Variants in CHRNB1 observed in about 807,000 individuals in gnomAD.
CHRNB1 encodes the protein cholinergic receptor nicotinic beta 1 subunit, also known as acetylcholine receptor subunit beta.
CHRNB1 carries 47 observed loss-of-function variants against 53.8 expected under a neutral mutation model. That is an observed-to-expected ratio of 0.87 (90% CI 0.69 to 1.11). The LOEUF is 1.11. Among genes scored for constraint, CHRNB1 ranks in the 50% most tolerant of loss-of-function variants. CHRNB1 has a pLI of 0.00. For synonymous variants in CHRNB1, 259 were observed against 263.5 expected (o/e 0.98, Z 0.16); for missense variants, 605 against 654.9 (o/e 0.92, Z 0.83).
intron 7 of CHRNB1, among the ~76,000 whole-genome samples, chr17:7,452,946 C>T (rs778267281): frequency 5.1e-4 from 78 of 152,192 alleles, no homozygotes; most frequent in Non-Finnish European, 1.2e-4. Context: ...ACTGCTTGAA[C>T]CCAAGAGGCA....
rs553467940 is a variant in CHRNB1, at chr17:7,457,178, G to A, written c.*455G>A. ...ACTAAAAATACAAAATTAGCCAGGTGTGGTGGTACATGCCTGTAATCCCAG... is the reference window on the plus strand; with the variant it reads ...ACTAAAAATACAAAATTAGCCAGGTATGGTGGTACATGCCTGTAATCCCAG... On this transcript the variant is annotated 3_prime_UTR_variant, in exon 11 of 11. Transcript: ENST00000306071. 4.1e-5 allele frequency: 8 copies of A among 196,304 alleles called. No homozygotes were observed. The highest frequency in any genetic ancestry group is 2.2e-4 in the Admixed American group (4 of 18,460). The allele number at this position is 196,304 out of a possible 1,614,324, so 12.2% of individuals were successfully genotyped here.
In CHRNB1 at chr17:7,445,804, C is replaced by T; in HGVS notation, c.199-265C>T. On this transcript the variant is annotated intron_variant, in intron 2 of 10. Coordinates refer to ENST00000306071, the MANE Select transcript of CHRNB1 (RefSeq NM_000747.3). The surrounding 1 kb of genome is among the most constrained non-coding windows in gnomAD (Gnocchi z 5.7). ...GGCTGGGTGGATTATGAGCTGAAGG[C>T]AGGGCCGGGGACAGAGCTAGGCGGA... 1.6e-6 allele frequency: 1 copy of T among 622,952 alleles called. No homozygotes were observed. Among genetic ancestry groups the T allele is most frequent in the Non-Finnish European group, 2.8e-6 (1 of 359,166 alleles). 38.6% of individuals were successfully genotyped at this position (622,952 alleles called of 1,614,324 possible). A position where few individuals can be genotyped will look rare whatever the true frequency, so the allele number is the denominator to read the frequency against.
In CHRNB1 at chr17:7,445,717, GC is replaced by G; in HGVS notation, c.198+311del. On this transcript the variant is annotated intron_variant, in intron 2 of 10. Coordinates refer to ENST00000306071, the MANE Select transcript of CHRNB1 (RefSeq NM_000747.3). The surrounding 1 kb of genome is among the most constrained non-coding windows in gnomAD (Gnocchi z 5.7). ...ACGTAGGGCCACATGAGTCCTGAGTGCCCAGGGTGGGGCGGAGCTTGGTGCT... is the reference window on the plus strand; with the variant it reads ...ACGTAGGGCCACATGAGTCCTGAGTGCCAGGGTGGGGCGGAGCTTGGTGCT... The G allele has an allele frequency of 1.0e-6, 1 of 959,868 alleles. No individual in the cohort carries two copies. Among genetic ancestry groups the G allele is most frequent in the Non-Finnish European group, 1.5e-6 (1 of 670,544 alleles). 59.5% of individuals were successfully genotyped at this position (959,868 alleles called of 1,614,324 possible).
intron 9 of CHRNB1, 153 bp downstream of exon 9, chr17:7,455,609 G>A: frequency 8.1e-7 from 1 of 1,238,376 alleles, no homozygotes; most frequent in Non-Finnish European, 1.2e-6. Flanking sequence ...GAGGGGAGGT[G>A]GGAACTAAAA....
At position 7,455,910 on chromosome 17, in the gene CHRNB1, G is replaced by C. The variant is rs774704171; in HGVS notation, c.1334G>C (p.Arg445Pro). 3 of 1,613,952 alleles carry C rather than the reference G, an allele frequency of 1.9e-6. No homozygotes were observed. Among genetic ancestry groups the C allele is most frequent in the Admixed American group, 1.7e-5 (1 of 59,988 alleles). The change falls in exon 10 of 11, where the codon CGA (arginine) becomes CCA (proline). Residue 445 changes from arginine (R) to proline (P), a missense_variant. Arg to Pro is a moderately radical substitution (Grantham distance 103). Transcript: ENST00000306071. ...GTCTCCTCTATCAGCTACATCGCTC[G>C]ACAGCTGCAGGAACAGGAGGACCAC... The part of the protein sequence containing the change: ...EVVSSISYIA[R>P]QLQEQEDHDA...
At position 7,445,510 on chromosome 17, in the gene CHRNB1, C is replaced by T. The variant is rs1054460489; in HGVS notation, c.198+101C>T. 13 of 1,545,826 alleles carry T rather than the reference C, an allele frequency of 8.4e-6. No homozygotes were observed. The highest frequency in any genetic ancestry group is 1.1e-5 in the Non-Finnish European group (13 of 1,150,452). On this transcript the variant is annotated intron_variant, in intron 2 of 10. Coordinates refer to ENST00000306071, the MANE Select transcript of CHRNB1 (RefSeq NM_000747.3). This position sits in a 1 kb window ranked among gnomAD's most constrained non-coding sequence, Gnocchi z 5.7. ...GACAGGCTGGGGGCGGGGCCTGGGACGAGACCAGGCTGAGATGGACCAGCC... is the reference window on the plus strand; with the variant it reads ...GACAGGCTGGGGGCGGGGCCTGGGATGAGACCAGGCTGAGATGGACCAGCC...
intron 6 of CHRNB1, among the ~76,000 whole-genome samples, chr17:7,448,074 CAAAA>C (rs71157286): frequency 6.0e-5 from 1 of 16,690 alleles, no homozygotes; most frequent in African/African-American, 1.8e-4. Flanking sequence ...AAGTTCGTCT[CAAAA>C]AAAAAAAAAA....
chr17:7,455,335 G>T lies in CHRNB1; in HGVS notation c.1096G>T (p.Glu366Ter). ...CCTGCGTCTAAAAAGGCCCAAACCC[G>T]AGAGAGACCTGATGCCGGAGCCCCC... ...LYLRLKRPKP[E>*]RDLMPEPPHC... The change falls in exon 9 of 11, where the codon GAG becomes TAG. Residue 366 changes from glutamate to a stop codon, truncating the protein, a stop_gained. Coordinates refer to ENST00000306071, the MANE Select transcript of CHRNB1 (RefSeq NM_000747.3). LOFTEE classifies it high-confidence loss of function. 2 of 1,614,090 alleles carry T rather than the reference G, an allele frequency of 1.2e-6. No individual in the cohort carries two copies. The highest frequency in any genetic ancestry group is 1.7e-6 in the Non-Finnish European group (2 of 1,180,014).
chr17:7,454,897 G>A (rs1310158195), intron 8 of CHRNB1, among the ~76,000 whole-genome samples: 1 of 143,084 alleles, frequency 7.0e-6, no homozygotes, highest in Non-Finnish European at 1.5e-5. Context: ...TCACCTCCCA[G>A]GTTCCAGCGA....
At chr17:7,450,918 C>T (rs1183557350) in intron 7 of CHRNB1, among the ~76,000 whole-genome samples, 1 of 152,126 alleles carries the variant, frequency 6.6e-6, no homozygotes, top group Non-Finnish European at 1.5e-5. Context: ...GCAGGCTGGG[C>T]GTGGTGGCTC....
chr17:7,451,118 T>G (rs1479807630), intron 7 of CHRNB1, among the ~76,000 whole-genome samples: 3 of 152,126 alleles, frequency 2.0e-5, no homozygotes, highest in Non-Finnish European at 4.4e-5. Context: ...AAAGGGACTC[T>G]AGACCCAGGA....
At chr17:7,447,759 A>G (rs1475707692) in intron 6 of CHRNB1, 109 bp downstream of exon 6, 2 of 1,319,594 alleles carry the variant, frequency 1.5e-6, no homozygotes, top group Non-Finnish European at 2.2e-6. Flanking sequence ...GGTCAGCAGG[A>G]TGGGTATGGC....
At chr17:7,448,008 G>C (rs1277569145) in intron 6 of CHRNB1, among the ~76,000 whole-genome samples, 1 of 146,226 alleles carries the variant, frequency 6.8e-6, no homozygotes, top group African/African-American at 2.5e-5. Context: ...CTGGGAGGTG[G>C]AGGTTGCGGT....
chr17:7,454,608 C>A, intron 8 of CHRNB1, 88 bp downstream of exon 8: 1 of 1,082,776 alleles, frequency 9.2e-7, no homozygotes, highest in Non-Finnish European at 1.4e-6. Flanking sequence ...TTGAAGTGTC[C>A]AAGCTTGTTG....
chr17:7,454,916 C>T (rs933779231), intron 8 of CHRNB1, among the ~76,000 whole-genome samples: 3 of 149,666 alleles, frequency 2.0e-5, no homozygotes, highest in African/African-American at 4.9e-5. Flanking sequence ...GATTCTCCTG[C>T]CTGAGCCTCC....
chr17:7,448,052 G>T (rs1215810237), intron 6 of CHRNB1, among the ~76,000 whole-genome samples: 1 of 107,062 alleles, frequency 9.3e-6, no homozygotes, highest in African/African-American at 3.8e-5. Flanking sequence ...TCCAGCTTCG[G>T]TAACAGAGTG....
At chr17:7,449,199 G>A (rs1164899910) in intron 7 of CHRNB1, among the ~76,000 whole-genome samples, 1 of 151,226 alleles carries the variant, frequency 6.6e-6, no homozygotes, top group East Asian at 1.9e-4. Flanking sequence ...TGCCTCCCGG[G>A]TTCACGCCAT....
At position 7,448,663 on chromosome 17, in the gene CHRNB1, G is replaced by A. The variant is rs202080837; in HGVS notation, c.695G>A (p.Arg232His). The part of the protein sequence containing the change: ...GDPRGGREGQ[R>H]QEVIFYLIIR... ...CCTAGGGGAGGGAGGGAAGGACAGC[G>A]CCAGGAAGTCATCTTCTACCTCATC... Residue 232 changes from arginine to histidine, a missense_variant, in exon 7 of 11, where the codon CGC (arginine) becomes CAC (histidine). Transcript: ENST00000306071. 4.5e-5 allele frequency: 72 copies of A among 1,614,010 alleles called. No individual in the cohort carries two copies. The highest frequency in any genetic ancestry group is 5.8e-5 in the Non-Finnish European group (68 of 1,180,020).
At chr17:7,447,184 C>T (rs1908675055) in intron 5 of CHRNB1, 33 bp downstream of exon 5, 1 of 1,562,390 alleles carries the variant, frequency 6.4e-7, no homozygotes, top group Non-Finnish European at 8.8e-7. Flanking sequence ...GCTGAAGGAG[C>T]TCTTACAAAT....
Sources: gnomAD v4.1 joint callset for allele counts (sites outside exome capture counted in the v4.1 genomes callset) on GRCh38, gnomAD v4.1.1 for gene constraint, Gnocchi (gnomAD v3.1) non-coding constraint, MANE v1.5 for transcripts, NCBI Gene and HGNC (gene_info 2026-07-23, HGNC 2026-07-21) for gene names.